The following CD46 variants were observed in gnomAD, a reference collection of about 807,000 sequenced individuals.
The protein encoded by CD46 is membrane cofactor protein.
Under a neutral mutation model 53.3 loss-of-function variants are expected in CD46, and 30 were observed. The ratio of observed to expected loss-of-function variants is 0.56; its 90% CI spans 0.42 to 0.76. The LOEUF (loss-of-function observed/expected upper bound fraction) is 0.76, where lower values mean the gene tolerates loss of function less well. Among genes scored for constraint, CD46 ranks in the 30% least tolerant of loss-of-function variants. The pLI, the probability that CD46 is intolerant of heterozygous loss-of-function variation, is 0.00. For synonymous variants in CD46, 142 were observed against 152.0 expected (o/e 0.93, Z 0.48); for missense variants, 409 against 463.0 (o/e 0.88, Z 1.07).
intron 8 of CD46, 29 bp from the exon 9 acceptor site, chr1:207,783,263 T>C (rs758302987): frequency 8.2e-7 from 1 of 1,224,960 alleles, no homozygotes; most frequent in Non-Finnish European, 1.2e-6. Flanking sequence ...CTTTTATTAA[T>C]TTAATCTATA....
chr1:207,795,301 T>C lies in CD46; in HGVS notation c.*1824T>C, dbSNP rs1246767564. The C allele has an allele frequency of 1.3e-5, 2 of 152,204 alleles. No individual in the cohort carries two copies. The highest frequency in any genetic ancestry group is 2.9e-5 in the Non-Finnish European group (2 of 68,038). The allele number at this position is 152,204 out of a possible 1,614,324, so 9.4% of individuals were successfully genotyped here. ...TATATATGTATAAATATGTATTTTG[T>C]CAAATTTGTTACTTAAATATATAGA... On this transcript the variant is annotated 3_prime_UTR_variant, in exon 13 of 13. Coordinates refer to ENST00000367042, the MANE Select transcript of CD46 (RefSeq NM_172351.3).
chr1:207,757,669 G>A (rs1464845251), intron 3 of CD46, 27 bp downstream of exon 3: 13 of 1,342,718 alleles, frequency 9.7e-6, no homozygotes, highest in Non-Finnish European at 1.4e-5. Context: ...AGGAAATAAG[G>A]GAAGTGTTAG....
intron 3 of CD46, among the ~76,000 whole-genome samples, chr1:207,758,841 C>T (rs1169451428): frequency 1.3e-5 from 2 of 152,076 alleles, no homozygotes; most frequent in Non-Finnish European, 2.9e-5. Flanking sequence ...AAGACAGTGA[C>T]CTTCCTAAAA....
At chr1:207,788,779 A>T (rs1199849493) in intron 11 of CD46, among the ~76,000 whole-genome samples, 1 of 152,214 alleles carries the variant, frequency 6.6e-6, no homozygotes, top group Non-Finnish European at 1.5e-5. Flanking sequence ...TGGGAACGTA[A>T]TTACTCTTCT....
At chr1:207,761,668 T>C (rs1442367422) in intron 5 of CD46, among the ~76,000 whole-genome samples, 2 of 151,760 alleles carry the variant, frequency 1.3e-5, no homozygotes, top group Admixed American at 1.3e-4. Context: ...TTTTATACAG[T>C]GTGAACTACT....
In CD46 at chr1:207,767,017, C is replaced by G; in HGVS notation, c.678C>G (p.Val226=). The part of the protein sequence containing the change: ...WSRAAPECKV[V]KCRFPVVENG... ...GAGGTTTCTCTAATTTTCCAGTGGT[C>G]AAATGTCGATTTCCAGTAGTCGAAA... The change falls in exon 6 of 13, where the codon GTC becomes GTG. Residue 226 remains valine (V), a synonymous_variant. Transcript: ENST00000367042. 6.2e-7 allele frequency: 1 copy of G among 1,612,982 alleles called. No homozygotes were observed.
At chr1:207,766,254 A>T (rs1656837317) in intron 5 of CD46, among the ~76,000 whole-genome samples, 1 of 152,194 alleles carries the variant, frequency 6.6e-6, no homozygotes, top group African/African-American at 2.4e-5. Flanking sequence ...ATTTGTCAAA[A>T]CTGATACAGC....
intron 8 of CD46, among the ~76,000 whole-genome samples, chr1:207,781,846 C>A (rs1170365586): frequency 6.6e-6 from 1 of 152,020 alleles, no homozygotes; most frequent in Non-Finnish European, 1.5e-5. Flanking sequence ...AAAGTGTGAG[C>A]CTTCTCAACT....
chr1:207,774,616 C>T (rs1193724486), intron 8 of CD46, among the ~76,000 whole-genome samples: 1 of 152,084 alleles, frequency 6.6e-6, no homozygotes, highest in African/African-American at 2.4e-5. Context: ...TGTCTATAAA[C>T]TATTTTATTT....
At chr1:207,778,249 G>T (rs1189246419) in intron 8 of CD46, among the ~76,000 whole-genome samples, 3 of 152,092 alleles carry the variant, frequency 2.0e-5, no homozygotes, top group Non-Finnish European at 4.4e-5. Flanking sequence ...TGTTTACTCT[G>T]TTGATAGCTT....
intron 7 of CD46, chr1:207,768,247 T>A (rs1571621802): frequency 5.4e-6 from 1 of 186,564 alleles, no homozygotes; most frequent in East Asian, 1.4e-4. Flanking sequence ...TTCATGTATG[T>A]TTGTTAGTAT....
At chr1:207,777,432 C>A (rs1658236803) in intron 8 of CD46, among the ~76,000 whole-genome samples, 1 of 152,056 alleles carries the variant, frequency 6.6e-6, no homozygotes, top group Non-Finnish European at 1.5e-5. Flanking sequence ...TATTTCATCA[C>A]CCAGGTATTA....
intron 8 of CD46, among the ~76,000 whole-genome samples, chr1:207,782,011 G>C (rs982435489): frequency 1.3e-5 from 2 of 151,330 alleles, no homozygotes; most frequent in Non-Finnish European, 2.9e-5. Flanking sequence ...AGATTGCTTT[G>C]TATAGTATTG....
intron 12 of CD46, among the ~76,000 whole-genome samples, chr1:207,792,687 C>T (rs1371589470): frequency 6.6e-6 from 1 of 152,128 alleles, no homozygotes; most frequent in Non-Finnish European, 1.5e-5. Flanking sequence ...ATTTGGTTTT[C>T]GTTTGTCTAT....
At chr1:207,753,238 C>G (rs1161967571) in intron 1 of CD46, among the ~76,000 whole-genome samples, 1 of 152,140 alleles carries the variant, frequency 6.6e-6, no homozygotes, top group African/African-American at 2.4e-5. Context: ...GTAGCCAAAC[C>G]TAGTGAGAAA....
intron 9 of CD46, among the ~76,000 whole-genome samples, chr1:207,784,504 A>C (rs1463979370): frequency 6.6e-6 from 1 of 152,212 alleles, no homozygotes; most frequent in African/African-American, 2.4e-5. Context: ...AGAGTTTCAC[A>C]AGTGGAACCC....
At chr1:207,779,899 T>A (rs2724391) in intron 8 of CD46, among the ~76,000 whole-genome samples, 1 of 138,250 alleles carries the variant, frequency 7.2e-6, no homozygotes, top group Non-Finnish European at 1.5e-5. Flanking sequence ...TCTATTCTTG[T>A]AGCAAAAGCA....
rs766757428 is a variant in CD46 at position 207,759,721 on chromosome 1, G to C, written c.472G>C (p.Glu158Gln). ...AIWSGKPPIC[E>Q]KVLCTPPPKI... is the part of the protein sequence containing the mutation. ...TTGGAGCGGTAAGCCCCCAATATGT[G>C]AAAGTAAGTAAATTCTTTTTTTTTA... Residue 158 changes from glutamate to glutamine, a missense_variant, in exon 4 of 13, where the codon GAA (glutamate) becomes CAA (glutamine). Coordinates refer to ENST00000367042, the MANE Select transcript of CD46 (RefSeq NM_172351.3). 20 of 1,590,874 alleles carry C rather than the reference G, an allele frequency of 1.3e-5. No homozygotes were observed. Among genetic ancestry groups the C allele is most frequent in the Non-Finnish European group, 1.6e-5 (19 of 1,159,666 alleles).
rs201584465 is a variant in CD46 at position 207,752,931 on chromosome 1, G to A, written c.97+622G>A. Among the ~76,000 whole-genome samples the A allele has an allele frequency of 1.1e-4, 16 of 152,198 alleles. No individual in the cohort carries two copies. In the East Asian group the frequency reaches 1.9e-3, roughly 18 times the overall value. On this transcript the variant is annotated intron_variant, in intron 1 of 12. Transcript: ENST00000367042. This position sits in a 1 kb window ranked among gnomAD's most constrained non-coding sequence, Gnocchi z 4.1. ...TGAATGGAGTGAGCGCGGACTCTGG[G>A]GCTAGGGAGGGCATGTTGAGTGAGA...
Sources: allele counts gnomAD v4.1 joint callset (sites outside exome capture counted in the v4.1 genomes callset), GRCh38; gene constraint gnomAD v4.1.1; non-coding constraint Gnocchi (gnomAD v3.1); transcripts MANE v1.5; gene names NCBI Gene and HGNC (gene_info 2026-07-23, HGNC 2026-07-21).